The following CBLB variants were observed in gnomAD, a reference collection of about 807,000 sequenced individuals.
The protein encoded by CBLB is E3 ubiquitin-protein ligase CBL-B.
CBLB carries 31 observed loss-of-function variants against 104.9 expected under a neutral mutation model. The ratio of observed to expected loss-of-function variants is 0.30; its 90% confidence interval spans 0.22 to 0.40. The LOEUF (loss-of-function observed/expected upper bound fraction) is 0.40, where lower values mean the gene tolerates loss of function less well. Among genes scored for constraint, CBLB ranks in the 10% least tolerant of loss-of-function variants. CBLB has a pLI of 1.00. For synonymous variants in CBLB, 440 were observed against 422.6 expected (o/e 1.04, Z -0.51); for missense variants, 1,062 against 1,214.6 (o/e 0.87, Z 1.87).
At chr3:105,786,363 G>C (rs2081023576) in intron 3 of CBLB, among the ~76,000 whole-genome samples, 1 of 152,010 alleles carries the variant, frequency 6.6e-6, no homozygotes, top group African/African-American at 2.4e-5. Flanking sequence ...ATAAACCTGA[G>C]ATGTGCCTAC....
intron 3 of CBLB, among the ~76,000 whole-genome samples, chr3:105,817,107 T>G (rs1418478564): frequency 6.6e-6 from 1 of 152,142 alleles, no homozygotes; most frequent in Admixed American, 6.5e-5. Flanking sequence ...AAGTCCGTAG[T>G]AGTGAGAAAT....
chr3:105,830,722 A>C (rs1315541955), intron 3 of CBLB, among the ~76,000 whole-genome samples: 1 of 152,232 alleles, frequency 6.6e-6, no homozygotes, highest in African/African-American at 2.4e-5. Context: ...CATGTAATGG[A>C]AAGCTTATCT....
chr3:105,663,593 G>A (rs2064046885), intron 18 of CBLB, among the ~76,000 whole-genome samples: 1 of 152,162 alleles, frequency 6.6e-6, no homozygotes, highest in African/African-American at 2.4e-5. Flanking sequence ...ATAGCCTCCA[G>A]TGGTATAGTG....
chr3:105,703,441 T>C (rs1172705918), intron 11 of CBLB, among the ~76,000 whole-genome samples: 1 of 152,200 alleles, frequency 6.6e-6, no homozygotes, highest in African/African-American at 2.4e-5. Flanking sequence ...TAGGTTTAAC[T>C]GTAGAGTAAA....
chr3:105,851,068 T>C (rs972928435), intron 3 of CBLB, among the ~76,000 whole-genome samples: 1 of 152,138 alleles, frequency 6.6e-6, no homozygotes, highest in African/African-American at 2.4e-5. Context: ...TCCACATGAA[T>C]ACCTACACAC....
intron 3 of CBLB, among the ~76,000 whole-genome samples, chr3:105,825,553 G>T (rs2086456442): frequency 6.6e-6 from 1 of 152,164 alleles, no homozygotes; most frequent in Non-Finnish European, 1.5e-5. Context: ...GCAGTGCCAG[G>T]ACAGAGTAGG....
In CBLB at chr3:105,865,579, A is replaced by G. The variant is rs114930639; in HGVS notation, c.168+1831T>C. ...CTATCAAATAACCATCTATTTTACC[A>G]TAACTCATGGTGAAATAATTAAAAG... is the stretch of plus-strand genomic sequence containing the variant. On this transcript the variant is annotated intron_variant, in intron 2 of 18. Transcript: ENST00000394030. 5.1e-3 allele frequency among the ~76,000 whole-genome samples: 784 copies of G among 152,372 alleles called. 8 individuals carry two copies. Among genetic ancestry groups the G allele is most frequent in the African/African-American group, 0.018 (737 of 41,586 alleles).
intron 3 of CBLB, among the ~76,000 whole-genome samples, chr3:105,826,055 G>T (rs955146482): frequency 6.6e-6 from 1 of 151,330 alleles, no homozygotes; most frequent in Admixed American, 6.6e-5. Flanking sequence ...GAAATTTAAC[G>T]TCAAGCACAC....
Position 105,656,374 on chromosome 3 carries a change from C to A in CBLB, c.*2596G>T. On this transcript the variant is annotated 3_prime_UTR_variant, in exon 19 of 19. Transcript: ENST00000394030. The stretch of plus-strand genomic sequence containing the variant: ...AAACAAAGTCTGGATCACTTCCAGA[C>A]ATCAACGAGCAGTCGCTTTTACAAT... 1 of 203,238 alleles carries A rather than the reference C, an allele frequency of 4.9e-6. No individual in the cohort carries two copies. Among genetic ancestry groups the A allele is most frequent in the Non-Finnish European group, 1.0e-5 (1 of 99,128 alleles). 12.6% of individuals were successfully genotyped at this position (203,238 alleles called of 1,614,324 possible). A position where few individuals can be genotyped will look rare whatever the true frequency, so the allele number is the denominator to read the frequency against.
chr3:105,778,497 T>A (rs907474611), intron 3 of CBLB, among the ~76,000 whole-genome samples: 1 of 152,092 alleles, frequency 6.6e-6, no homozygotes, highest in Non-Finnish European at 1.5e-5. Flanking sequence ...GGAAAAGTAG[T>A]AATAAGAAGA....
intron 3 of CBLB, among the ~76,000 whole-genome samples, chr3:105,848,288 A>G (rs541136723): frequency 8.7e-4 from 133 of 152,206 alleles, no homozygotes; most frequent in Non-Finnish European, 1.8e-3. Context: ...CCTTTTCTCT[A>G]CTAGAAATCA....
In CBLB at chr3:105,748,345, A is replaced by G. The variant is rs921580265; in HGVS notation, c.724-2307T>C. 3.3e-5 allele frequency among the ~76,000 whole-genome samples: 5 copies of G among 152,292 alleles called. No homozygotes were observed. The South Asian group carries it at 6.2e-4, about 19-fold the overall frequency. ...GCCTAGACACTCTCTATAATTCTTT[A>G]CTACAACTGAGGACTTTCCTCTTCT... On this transcript the variant is annotated intron_variant, in intron 5 of 18. Coordinates refer to ENST00000394030, the MANE Select transcript of CBLB (RefSeq NM_170662.5).
At chr3:105,691,092 A>G (rs541446799) in intron 13 of CBLB, among the ~76,000 whole-genome samples, 1 of 152,352 alleles carries the variant, frequency 6.6e-6, no homozygotes, top group East Asian at 1.9e-4. Context: ...GCATATGCAT[A>G]TGCTTGTGCT....
chr3:105,693,448 T>C (rs767221875), intron 13 of CBLB, 46 bp downstream of exon 13: 7 of 1,248,590 alleles, frequency 5.6e-6, no homozygotes, highest in Admixed American at 3.4e-5. Flanking sequence ...CACTCTACCA[T>C]ATCTTGATGC....
intron 2 of CBLB, among the ~76,000 whole-genome samples, chr3:105,858,729 T>G (rs2091840619): frequency 1.3e-5 from 2 of 152,212 alleles, no homozygotes; most frequent in South Asian, 2.1e-4. Context: ...ACCAATTCCT[T>G]TTGACGTGTC....
At chr3:105,756,392 CAAAT>C (rs1352333266) in intron 4 of CBLB, among the ~76,000 whole-genome samples, 1 of 151,812 alleles carries the variant, frequency 6.6e-6, no homozygotes, top group Non-Finnish European at 1.5e-5. Flanking sequence ...CTAAAAGTCC[CAAAT>C]AAATAGAAAT....
intron 3 of CBLB, among the ~76,000 whole-genome samples, chr3:105,813,270 C>CT (rs1469257122): frequency 1.3e-5 from 2 of 152,084 alleles, no homozygotes; most frequent in Non-Finnish European, 2.9e-5. Context: ...AAACATGGGG[C>CT]TTATCCCTGC....
At chr3:105,758,293 G>C (rs2077262067) in intron 4 of CBLB, among the ~76,000 whole-genome samples, 1 of 152,102 alleles carries the variant, frequency 6.6e-6, no homozygotes, top group African/African-American at 2.4e-5. Context: ...AGTTACCAAG[G>C]ATATTCATAA....
intron 10 of CBLB, among the ~76,000 whole-genome samples, chr3:105,713,291 C>CTAAG (rs1268129209): frequency 6.6e-6 from 1 of 151,510 alleles, no homozygotes; most frequent in African/African-American, 2.4e-5. Context: ...CACATAGATA[C>CTAAG]TAAGTAGGAA....
Sources: gnomAD v4.1 joint callset for allele counts (sites outside exome capture counted in the v4.1 genomes callset) on GRCh38, gnomAD v4.1.1 for gene constraint, MANE v1.5 for transcripts, NCBI Gene and HGNC (gene_info 2026-07-23, HGNC 2026-07-21) for gene names.